IGSF21: variants seen among roughly 807,000 people sequenced by gnomAD.
IGSF21 encodes the protein immunoglobin superfamily member 21.
Under a neutral mutation model 46.8 loss-of-function variants are expected in IGSF21, and 28 were observed. The ratio of observed to expected loss-of-function variants is 0.60; its 90% CI spans 0.44 to 0.82. IGSF21 has a LOEUF of 0.82. Ranked by LOEUF, IGSF21 falls within the 40% of genes least tolerant of loss-of-function variation. The pLI, the probability that IGSF21 is intolerant of heterozygous loss-of-function variation, is 0.00. For missense variants in IGSF21, 624 were observed against 665.5 expected (o/e 0.94, Z 0.69); for synonymous variants, 284 against 273.6 (o/e 1.04, Z -0.38).
chr1:18,266,841 G>T (rs925476524), intron 2 of IGSF21, among the ~76,000 whole-genome samples: 5 of 152,210 alleles, frequency 3.3e-5, no homozygotes, highest in Admixed American at 3.3e-4. Context: ...GTGCACCTAT[G>T]TCCTGCAGGG....
At chr1:18,199,907 C>T (rs543391415) in intron 1 of IGSF21, among the ~76,000 whole-genome samples, 54 of 152,158 alleles carry the variant, frequency 3.5e-4, no homozygotes, top group African/African-American at 1.2e-3. Flanking sequence ...CCCCTACCCC[C>T]GTGAGAATCC....
intron 3 of IGSF21, among the ~76,000 whole-genome samples, chr1:18,330,182 A>G (rs1302575412): frequency 1.3e-5 from 2 of 152,158 alleles, no homozygotes; most frequent in Non-Finnish European, 1.5e-5. Context: ...TCTCTGGGCC[A>G]CTTAATCCAC....
At chr1:18,356,558 C>T (rs905527472) in intron 4 of IGSF21, among the ~76,000 whole-genome samples, 4 of 152,186 alleles carry the variant, frequency 2.6e-5, no homozygotes, top group Admixed American at 6.5e-5. Flanking sequence ...TTATTCTGGC[C>T]CAGGAAGTCA....
intron 2 of IGSF21, among the ~76,000 whole-genome samples, chr1:18,271,168 T>C (rs2085039140): frequency 6.6e-6 from 1 of 152,202 alleles, no homozygotes; most frequent in African/African-American, 2.4e-5. Flanking sequence ...GCTGCTTACA[T>C]GACTCTGAGG....
chr1:18,280,146 G>A (rs2085144700), intron 2 of IGSF21, among the ~76,000 whole-genome samples: 1 of 152,166 alleles, frequency 6.6e-6, no homozygotes, highest in Non-Finnish European at 1.5e-5. Flanking sequence ...GGGAGACCTT[G>A]TAGGGGGTGT....
At chr1:18,257,259 G>C (rs1454012922) in intron 2 of IGSF21, among the ~76,000 whole-genome samples, 1 of 152,160 alleles carries the variant, frequency 6.6e-6, no homozygotes, top group Non-Finnish European at 1.5e-5. Flanking sequence ...GACTGCACTA[G>C]CCTATGTCTC....
At chr1:18,264,750 A>G (rs1355707949) in intron 2 of IGSF21, among the ~76,000 whole-genome samples, 2 of 152,222 alleles carry the variant, frequency 1.3e-5, no homozygotes, top group African/African-American at 2.4e-5. Context: ...ACTTTGTTCC[A>G]GATGATTCTC....
chr1:18,187,233 AGAG>A (rs1158964927), intron 1 of IGSF21, among the ~76,000 whole-genome samples: 1 of 152,010 alleles, frequency 6.6e-6, no homozygotes, highest in Non-Finnish European at 1.5e-5. Flanking sequence ...AGAGAGAGAG[AGAG>A]AGAGAGAAAG....
rs114691921 is a variant in IGSF21, at chr1:18,281,936, G to A, written c.184-9930G>A. 4.7e-3 allele frequency among the ~76,000 whole-genome samples: 717 copies of A among 152,284 alleles called. 2 individuals carry two copies. Among genetic ancestry groups the A allele is most frequent in the African/African-American group, 0.014 (597 of 41,560 alleles). ...GATTTGGGGGTGTGGTGGAAAGAGG[G>A]TGTGCTTCGGAGCAAAGAGCCTGGC... On this transcript the variant is annotated intron_variant, in intron 2 of 9. Transcript: ENST00000251296.
chr1:18,152,959 C>T (rs980299823), intron 1 of IGSF21, among the ~76,000 whole-genome samples: 1 of 152,148 alleles, frequency 6.6e-6, no homozygotes, highest in Non-Finnish European at 1.5e-5. Flanking sequence ...AGAGATAATG[C>T]AGTTAACAAG....
intron 1 of IGSF21, among the ~76,000 whole-genome samples, chr1:18,205,920 G>T (rs141114001): frequency 6.6e-6 from 1 of 152,306 alleles, no homozygotes; most frequent in East Asian, 1.9e-4. Flanking sequence ...GCAGTAGAAA[G>T]CACTTAACAC....
chr1:18,315,270 G>C (rs1192686114), intron 3 of IGSF21, among the ~76,000 whole-genome samples: 1 of 152,052 alleles, frequency 6.6e-6, no homozygotes, highest in African/African-American at 2.4e-5. Context: ...TCCCTTCCTA[G>C]GTCAGCTTTT....
chr1:18,185,270 A>G (rs1409325055), intron 1 of IGSF21, among the ~76,000 whole-genome samples: 1 of 152,224 alleles, frequency 6.6e-6, no homozygotes, highest in East Asian at 1.9e-4. Context: ...GGAATGTCAG[A>G]TACACGAACA....
intron 2 of IGSF21, among the ~76,000 whole-genome samples, chr1:18,252,044 C>CTTTTTTT (rs1557608067): frequency 1.0e-5 from 1 of 98,982 alleles, no homozygotes; most frequent in Non-Finnish European, 2.1e-5. Flanking sequence ...CTGACCAAGG[C>CTTTTTTT]GTTTTTTTTT....
intron 4 of IGSF21, among the ~76,000 whole-genome samples, chr1:18,355,284 T>G (rs1450828575): frequency 6.6e-6 from 1 of 152,206 alleles, no homozygotes; most frequent in Non-Finnish European, 1.5e-5. Flanking sequence ...ACGGAATGAT[T>G]TACAGAGCAA....
intron 4 of IGSF21, among the ~76,000 whole-genome samples, chr1:18,360,377 A>T (rs144438633): frequency 6.6e-6 from 1 of 152,190 alleles, no homozygotes; most frequent in African/African-American, 2.4e-5. Flanking sequence ...TGAATGAATG[A>T]CTCATACCTG....
Position 18,334,931 on chromosome 1 carries a change from G to T in IGSF21, c.345G>T (p.Glu115Asp). ...GGATCTCAGACAATGGTCCCTATGA[G>T]TGCCATGTGGGCATCTACGACCGCG... ...EVRISDNGPY[E>D]CHVGIYDRAT... Residue 115 changes from glutamate to aspartate, a missense_variant, in exon 4 of 10, where the codon GAG becomes GAT. Coordinates refer to ENST00000251296, the MANE Select transcript of IGSF21 (RefSeq NM_032880.5). This position sits in a 1 kb window ranked among gnomAD's most constrained non-coding sequence, Gnocchi z 4.3. 1 of 1,614,194 alleles carries T rather than the reference G, an allele frequency of 6.2e-7. No individual in the cohort carries two copies.
intron 1 of IGSF21, among the ~76,000 whole-genome samples, chr1:18,208,626 T>C (rs913846119): frequency 1.4e-5 from 2 of 147,018 alleles, no homozygotes; most frequent in Admixed American, 6.9e-5. Flanking sequence ...CTTGATCTCC[T>C]GACCTCGTTA....
At chr1:18,157,252 A>G (rs2086576986) in intron 1 of IGSF21, among the ~76,000 whole-genome samples, 1 of 152,206 alleles carries the variant, frequency 6.6e-6, no homozygotes, top group African/African-American at 2.4e-5. Flanking sequence ...TCAGAGGGGC[A>G]GTGGGGCTTC....
Sources: allele counts gnomAD v4.1 joint callset (sites outside exome capture counted in the v4.1 genomes callset), GRCh38; gene constraint gnomAD v4.1.1; non-coding constraint Gnocchi (gnomAD v3.1); transcripts MANE v1.5; gene names NCBI Gene and HGNC (gene_info 2026-07-23, HGNC 2026-07-21).